CBL: variants seen among roughly 807,000 people sequenced by gnomAD.
CBL encodes E3 ubiquitin-protein ligase CBL.
Under a neutral mutation model 96.9 loss-of-function variants are expected in CBL, and 45 were observed. That is an observed-to-expected ratio of 0.46 (90% CI 0.37 to 0.60). The LOEUF is 0.60. Ranked by LOEUF, CBL falls within the 20% of genes least tolerant of loss-of-function variation. The pLI is 0.00. For missense variants in CBL, 1,024 were observed against 1,143.5 expected, an observed-to-expected ratio of 0.90 and a Z score of 1.51; for synonymous variants, 420 against 426.8, an observed-to-expected ratio of 0.98 and a Z score of 0.20.
In CBL at chr11:119,307,773, A is replaced by G. The variant is rs1378411781; in HGVS notation, c.*7992A>G. 4.6e-6 allele frequency: 1 copy of G among 218,026 alleles called. No individual in the cohort carries two copies. The highest frequency in any genetic ancestry group is 5.8e-5 in the Admixed American group (1 of 17,254). The allele number at this position is 218,026 out of a possible 1,614,324, so 13.5% of individuals were successfully genotyped here. A position where few individuals can be genotyped will look rare whatever the true frequency, so the allele number is the denominator to read the frequency against. On this transcript the variant is annotated 3_prime_UTR_variant, in exon 16 of 16. Coordinates refer to ENST00000264033, the MANE Select transcript of CBL (RefSeq NM_005188.4). The stretch of plus-strand genomic sequence containing the variant: ...GAGAGAACCTGATGCTTTCTCCAGA[A>G]TGAAGAGTCCCAATTTGTATATCAG...
At position 119,232,661 on chromosome 11, in the gene CBL, A is replaced by C; in HGVS notation, c.409A>C (p.Lys137Gln). The C allele has an allele frequency of 6.2e-7, 1 of 1,613,900 alleles. No individual in the cohort carries two copies. Among genetic ancestry groups the C allele is most frequent in the Non-Finnish European group, 8.5e-7 (1 of 1,179,858 alleles). ...AACCATAAGCCTCTTCAAGGAGGGA[A>C]AAGAAAGAATGTATGAGGAGAATTC... is the stretch of plus-strand genomic sequence containing the variant. ...KQTISLFKEG[K>Q]ERMYEENSQP... Residue 137 changes from lysine (K) to glutamine (Q), a missense_variant, in exon 2 of 16, where the codon AAA becomes CAA. Lys to Gln is a moderately conservative substitution (Grantham distance 53). Around this residue, in one of 4 missense-constraint regions of CBL, gnomAD observed 192 missense variants for 321.8 expected, o/e 0.60. Transcript: ENST00000264033.
At chr11:119,263,689 G>A (rs1949772321) in intron 2 of CBL, among the ~76,000 whole-genome samples, 1 of 152,206 alleles carries the variant, frequency 6.6e-6, no homozygotes, top group African/African-American at 2.4e-5. Flanking sequence ...AACAGCTTAA[G>A]TCGATGATAA....
intron 2 of CBL, among the ~76,000 whole-genome samples, chr11:119,243,049 A>G (rs1398543489): frequency 6.6e-6 from 1 of 152,044 alleles, no homozygotes; most frequent in Non-Finnish European, 1.5e-5. Flanking sequence ...AGGCTGAGGC[A>G]GGCAGATTAC....
chr11:119,267,833 GC>G (rs1340416408), intron 2 of CBL, among the ~76,000 whole-genome samples: 4 of 152,200 alleles, frequency 2.6e-5, no homozygotes, highest in Non-Finnish European at 5.9e-5. Context: ...AATAGATTTA[GC>G]CATTGTGTAC....
chr11:119,253,110 T>A (rs924506741), intron 2 of CBL, among the ~76,000 whole-genome samples: 3 of 152,126 alleles, frequency 2.0e-5, no homozygotes, highest in African/African-American at 7.2e-5. Context: ...TGGAAACAAG[T>A]TGCTTTTAAA....
intron 1 of CBL, among the ~76,000 whole-genome samples, chr11:119,224,813 C>T (rs1420840624): frequency 1.3e-5 from 2 of 151,516 alleles, no homozygotes; most frequent in East Asian, 3.9e-4. Context: ...TCCTCTTTGT[C>T]TTCATGTTGA....
rs141345643 is a variant in CBL at position 119,219,528 on chromosome 11, A to G, written c.195+12916A>G. 6.6e-5 allele frequency among the ~76,000 whole-genome samples: 10 copies of G among 152,104 alleles called. No homozygotes were observed. In the East Asian group the frequency reaches 1.2e-3, roughly 18 times the overall value. On this transcript the variant is annotated intron_variant, in intron 1 of 15. Coordinates refer to ENST00000264033, the MANE Select transcript of CBL (RefSeq NM_005188.4). ...ACAGAAACGTTTTCTGATTGGTGCA[A>G]TTGGGTTTGGTATTATCCTTGGTTT...
rs2135321288 is a variant in CBL at position 119,298,511 on chromosome 11, G to A, written c.2405G>A (p.Trp802Ter). 2 of 1,614,158 alleles carry A rather than the reference G, an allele frequency of 1.2e-6. No homozygotes were observed. Among genetic ancestry groups the A allele is most frequent in the Non-Finnish European group, 1.7e-6 (2 of 1,180,028 alleles). ...DISNASSSFG[W>*]LSLDGDPTTN... ...TCTAATGCCAGCTCCTCCTTTGGCT[G>A]GTTGTCTCTGGATGGTGATCCTACA... is the stretch of plus-strand genomic sequence containing the variant. Residue 802 changes from tryptophan to a stop codon, truncating the protein, a stop_gained, in exon 15 of 16, where the codon TGG becomes TAG. Coordinates refer to ENST00000264033, the MANE Select transcript of CBL (RefSeq NM_005188.4). LOFTEE classifies it high-confidence loss of function.
In CBL at chr11:119,257,629, A is replaced by G. The variant is rs549944403; in HGVS notation, c.444-14106A>G. ...AGTTATAAATTCTTTGCCTAGGTCA[A>G]TGTCCAGAAGAGTTTTTCCTAGGTT... On this transcript the variant is annotated intron_variant, in intron 2 of 15. Coordinates refer to ENST00000264033, the MANE Select transcript of CBL (RefSeq NM_005188.4). Among the ~76,000 whole-genome samples, 6 of 152,254 alleles carry G rather than the reference A, an allele frequency of 3.9e-5. No individual in the cohort carries two copies. In the East Asian group the frequency reaches 5.8e-4, roughly 15 times the overall value.
At chr11:119,208,701 A>G (rs1164785099) in intron 1 of CBL, among the ~76,000 whole-genome samples, 1 of 152,048 alleles carries the variant, frequency 6.6e-6, no homozygotes, top group African/African-American at 2.4e-5. Flanking sequence ...CTGTATTCTT[A>G]AAGAATAAGA....
chr11:119,224,595 A>G (rs28593061), intron 1 of CBL, among the ~76,000 whole-genome samples: 4,049 of 152,118 alleles, frequency 0.027, 175 homozygotes, highest in African/African-American at 0.092. Flanking sequence ...TATTTTTTGT[A>G]TTTTTTGTTT....
chr11:119,251,931 A>G (rs1488152609), intron 2 of CBL, among the ~76,000 whole-genome samples: 1 of 152,230 alleles, frequency 6.6e-6, no homozygotes, highest in Non-Finnish European at 1.5e-5. Context: ...AAAACTGGCT[A>G]CAAGAACGTC....
chr11:119,220,635 A>G (rs1490325508), intron 1 of CBL, among the ~76,000 whole-genome samples: 1 of 152,126 alleles, frequency 6.6e-6, no homozygotes, highest in Non-Finnish European at 1.5e-5. Flanking sequence ...TAAAAACTGC[A>G]TGGTTAAGTT....
chr11:119,236,126 T>C (rs1949544222), intron 2 of CBL, among the ~76,000 whole-genome samples: 1 of 152,124 alleles, frequency 6.6e-6, no homozygotes, highest in South Asian at 2.1e-4. Context: ...GTTTTTAGTG[T>C]ATTCGCAAAG....
chr11:119,244,083 C>T (rs1303776181), intron 2 of CBL, among the ~76,000 whole-genome samples: 2 of 152,092 alleles, frequency 1.3e-5, no homozygotes, highest in Non-Finnish European at 2.9e-5. Flanking sequence ...GGTAACAGCA[C>T]GAATTCACAA....
intron 2 of CBL, among the ~76,000 whole-genome samples, chr11:119,254,276 A>G (rs1381912890): frequency 2.0e-5 from 3 of 152,244 alleles, no homozygotes; most frequent in East Asian, 1.9e-4. Flanking sequence ...TATTTAAAAA[A>G]GAAATGTCAC....
At chr11:119,217,463 A>G (rs1166897414) in intron 1 of CBL, among the ~76,000 whole-genome samples, 1 of 152,182 alleles carries the variant, frequency 6.6e-6, no homozygotes, top group Non-Finnish European at 1.5e-5. Context: ...GACTGTGTCA[A>G]GTAATTTCTT....
intron 2 of CBL, among the ~76,000 whole-genome samples, chr11:119,234,487 C>T (rs1345556566): frequency 1.3e-5 from 2 of 152,110 alleles, no homozygotes; most frequent in Non-Finnish European, 2.9e-5. Context: ...TGCTGAGTTT[C>T]TAAAAAATAA....
At chr11:119,264,625 G>A (rs1234114922) in intron 2 of CBL, among the ~76,000 whole-genome samples, 3 of 150,948 alleles carry the variant, frequency 2.0e-5, no homozygotes, top group Non-Finnish European at 4.4e-5. Flanking sequence ...GAGACTAGAG[G>A]TCCATGCCAC....
Sources: gnomAD v4.1 joint callset for allele counts (sites outside exome capture counted in the v4.1 genomes callset) on GRCh38, gnomAD v4.1.1 for gene constraint, gnomAD v4.1.1 regional missense constraint, MANE v1.5 for transcripts, NCBI Gene and HGNC (gene_info 2026-07-23, HGNC 2026-07-21) for gene names.